NDE1: variants seen among roughly 807,000 people sequenced by gnomAD.
NDE1 encodes the protein nudE neurodevelopment protein 1.
Under a neutral mutation model 43.4 loss-of-function variants are expected in NDE1, and 28 were observed. That is an observed-to-expected ratio of 0.65 (90% CI 0.48 to 0.89). The LOEUF is 0.89. Among genes scored for constraint, NDE1 ranks in the 40% least tolerant of loss-of-function variants. The probability of loss-of-function intolerance (pLI) is 0.00; values close to 1 mark genes in which losing one functional copy is unlikely to be tolerated. For missense variants in NDE1, 441 were observed against 434.1 expected, an observed-to-expected ratio of 1.02 and a Z score of -0.14; for synonymous variants, 184 against 172.0, an observed-to-expected ratio of 1.07 and a Z score of -0.55.
intron 4 of NDE1, among the ~76,000 whole-genome samples, chr16:15,682,624 A>T (rs931912180): frequency 1.3e-5 from 2 of 152,240 alleles, no homozygotes; most frequent in African/African-American, 4.8e-5. Context: ...CATTTCCTAA[A>T]GGTTACTTTG....
At position 15,718,730 on chromosome 16, in the gene NDE1, AAGC is replaced by A. The variant is rs1308088882; in HGVS notation, c.948-5457_948-5455del. 13 of 514,864 alleles carry A rather than the reference AAGC, an allele frequency of 2.5e-5. No individual in the cohort carries two copies. In the East Asian group the frequency reaches 4.5e-4, roughly 18 times the overall value. 31.9% of individuals were successfully genotyped at this position (514,864 alleles called of 1,614,324 possible). ...ACAGCTACTTATTGGGAATGAATGAAAGCAGCCACACCCCCAAACAGGCATGAA... is the reference window on the plus strand; with the variant it reads ...ACAGCTACTTATTGGGAATGAATGAAAGCCACACCCCCAAACAGGCATGAA... On this transcript the variant is annotated intron_variant, in intron 8 of 8. Coordinates refer to ENST00000396354, the MANE Select transcript of NDE1 (RefSeq NM_017668.3).
chr16:15,669,362 T>G (rs1456624231), intron 3 of NDE1, among the ~76,000 whole-genome samples: 1 of 143,076 alleles, frequency 7.0e-6, no homozygotes, highest in Non-Finnish European at 1.5e-5. Flanking sequence ...CCTGGCTAAT[T>G]TTTTTTTTTT....
intron 1 of NDE1, among the ~76,000 whole-genome samples, chr16:15,657,388 C>T (rs551419053): frequency 6.6e-5 from 10 of 151,912 alleles, no homozygotes; most frequent in African/African-American, 1.2e-4. Context: ...CATGAGCCAA[C>T]GCACCCAGCC....
intron 8 of NDE1, among the ~76,000 whole-genome samples, chr16:15,716,985 C>T (rs993250667): frequency 5.9e-5 from 9 of 152,196 alleles, no homozygotes; most frequent in African/African-American, 1.7e-4. Context: ...GCTGTGTTTA[C>T]GTTCAGTTCT....
chr16:15,691,409 A>G (rs2038748094), intron 6 of NDE1, 86 bp downstream of exon 6: 1 of 1,450,406 alleles, frequency 6.9e-7, no homozygotes, highest in Non-Finnish European at 9.5e-7. Context: ...GGGTGTGATG[A>G]TTTGCATCAG....
chr16:15,706,184 C>A (rs1179867825), intron 8 of NDE1, among the ~76,000 whole-genome samples: 2 of 152,218 alleles, frequency 1.3e-5, no homozygotes, highest in South Asian at 4.2e-4. Flanking sequence ...AGTAAACACT[C>A]CTAGCCCAGC....
chr16:15,718,159 AGGG>A, intron 8 of NDE1: 1 of 1,170,634 alleles, frequency 8.5e-7, no homozygotes, highest in Admixed American at 1.9e-5. Flanking sequence ...CACTGGTGTA[AGGG>A]CCCTGGATCT....
intron 6 of NDE1, among the ~76,000 whole-genome samples, chr16:15,693,601 G>C (rs1684679836): frequency 6.6e-6 from 1 of 151,942 alleles, no homozygotes; most frequent in Non-Finnish European, 1.5e-5. Flanking sequence ...AGGAGTTCAT[G>C]ATCAGCCTGG....
intron 8 of NDE1, among the ~76,000 whole-genome samples, chr16:15,705,339 C>A (rs1367793783): frequency 2.6e-5 from 4 of 152,140 alleles, no homozygotes; most frequent in Admixed American, 6.6e-5. Flanking sequence ...TTAATGCTGC[C>A]ATCTCCTCTC....
intron 8 of NDE1, chr16:15,699,517 A>C: frequency 8.7e-7 from 1 of 1,149,042 alleles, no homozygotes; most frequent in Non-Finnish European, 1.1e-6. Context: ...GGATTTTTCT[A>C]GTGGGTCTGA....
At chr16:15,654,743 C>T (rs1049316846) in intron 1 of NDE1, among the ~76,000 whole-genome samples, 3 of 148,278 alleles carry the variant, frequency 2.0e-5, no homozygotes, top group Admixed American at 1.4e-4. Context: ...ATCTAGTTTG[C>T]CTCTGCTGCT....
At chr16:15,707,120 C>T (rs1439876523) in intron 8 of NDE1, among the ~76,000 whole-genome samples, 2 of 152,070 alleles carry the variant, frequency 1.3e-5, no homozygotes, top group Admixed American at 1.3e-4. Flanking sequence ...CTCACTGCAG[C>T]CTCTGCCTCC....
rs771742318 is a variant in NDE1, at chr16:15,719,297, G to A, written c.948-4894G>A. The A allele has an allele frequency of 1.0e-4, 164 of 1,611,418 alleles. No individual in the cohort carries two copies. The highest frequency in any genetic ancestry group is 2.2e-4 in the East Asian group (10 of 44,896). On this transcript the variant is annotated intron_variant, in intron 8 of 8. Transcript: ENST00000396354. ...CCGCTTGTTTGCGAGCCCTCTCAGC[G>A]GCGGCGAGGTCCTAGGTGGGAGGGA...
At chr16:15,672,760 G>A (rs917596681) in intron 3 of NDE1, 2 of 152,166 alleles carry the variant, frequency 1.3e-5, no homozygotes, top group East Asian at 1.9e-4. Context: ...TGGAGCCTGC[G>A]TTTGAATTTA....
In NDE1 at chr16:15,691,083, T is replaced by C. The variant is rs2038724626; in HGVS notation, c.524-61T>C. The C allele has an allele frequency of 2.5e-6, 4 of 1,608,334 alleles. No homozygotes were observed. The Admixed American group carries it at 6.7e-5, about 27-fold the overall frequency. On this transcript the variant is annotated intron_variant, in intron 5 of 8. Transcript: ENST00000396354. The stretch of plus-strand genomic sequence containing the variant: ...TTGGCCTCCCAAAGTGCTGGCATTA[T>C]AAACATGAGCCACTGCGCCTGGCTG...
intron 1 of NDE1, among the ~76,000 whole-genome samples, chr16:15,660,709 C>T (rs1296988372): frequency 2.6e-5 from 4 of 152,128 alleles, no homozygotes; most frequent in African/African-American, 4.8e-5. Context: ...CGCCAGTGAC[C>T]GACTTTCGCT....
chr16:15,724,924 G>C lies in NDE1; in HGVS notation c.*673G>C. 1 of 1,614,110 alleles carries C rather than the reference G, an allele frequency of 6.2e-7. No homozygotes were observed. The highest frequency in any genetic ancestry group is 8.5e-7 in the Non-Finnish European group (1 of 1,180,018). On this transcript the variant is annotated 3_prime_UTR_variant, in exon 9 of 9. Coordinates refer to ENST00000396354, the MANE Select transcript of NDE1 (RefSeq NM_017668.3). The stretch of plus-strand genomic sequence containing the variant: ...GGAGCTGGGAACTGAGGGACGCCAC[G>C]TCCTTGGCCAGCTTAATGGCCTTCC...
At chr16:15,659,128 G>A (rs559880655) in intron 1 of NDE1, among the ~76,000 whole-genome samples, 20 of 152,154 alleles carry the variant, frequency 1.3e-4, no homozygotes, top group African/African-American at 4.6e-4. Flanking sequence ...CAGAGTTATC[G>A]GTAAGTTTTG....
intron 1 of NDE1, chr16:15,651,497 A>G (rs1000201685): frequency 2.1e-5 from 3 of 144,238 alleles, no homozygotes; most frequent in Non-Finnish European, 4.5e-5. Context: ...GTTGGAGTGC[A>G]GTGGTGCGAT....
Sources: allele counts gnomAD v4.1 joint callset (sites outside exome capture counted in the v4.1 genomes callset), GRCh38; gene constraint gnomAD v4.1.1; transcripts MANE v1.5; gene names NCBI Gene and HGNC (gene_info 2026-07-23, HGNC 2026-07-21).